The following DOCK1 variants were observed in gnomAD, a reference collection of about 807,000 sequenced individuals.
DOCK1 encodes the protein dedicator of cytokinesis 1, also known as dedicator of cytokinesis protein 1.
DOCK1 carries 138 observed loss-of-function variants against 262.7 expected under a neutral mutation model. That is an observed-to-expected ratio of 0.53 (90% CI 0.46 to 0.61). The LOEUF is 0.61. Ranked by LOEUF, DOCK1 falls within the 20% of genes least tolerant of loss-of-function variation. The probability of loss-of-function intolerance (pLI) is 0.00; values close to 1 mark genes in which losing one functional copy is unlikely to be tolerated. For missense variants in DOCK1, 1,908 were observed against 2,370.7 expected (o/e 0.80, Z 4.05); for synonymous variants, 866 against 867.4 (o/e 1.00, Z 0.03).
chr10:127,108,189 A>C (rs562919919), intron 24 of DOCK1, among the ~76,000 whole-genome samples: 97 of 152,372 alleles, frequency 6.4e-4, no homozygotes, highest in Non-Finnish European at 1.2e-3. Context: ...TTTAATAAAC[A>C]GAAGAGATGA....
chr10:127,002,854 G>T (rs1417321069), intron 10 of DOCK1, among the ~76,000 whole-genome samples: 1 of 152,146 alleles, frequency 6.6e-6, no homozygotes, highest in Non-Finnish European at 1.5e-5. Context: ...TTCCTGTCTT[G>T]TGTCTCTGGT....
intron 39 of DOCK1, among the ~76,000 whole-genome samples, chr10:127,403,620 G>C (rs555044409): frequency 6.6e-6 from 1 of 152,296 alleles, no homozygotes; most frequent in Non-Finnish European, 1.5e-5. Context: ...GTAGCCGGGC[G>C]TGGTAGCACA....
chr10:127,133,547 C>T (rs1592148185), intron 27 of DOCK1, among the ~76,000 whole-genome samples: 1 of 152,288 alleles, frequency 6.6e-6, no homozygotes, highest in African/African-American at 2.4e-5. Flanking sequence ...GGGGCAGCTA[C>T]AGCAATTTTA....
At chr10:127,264,088 AT>A in intron 29 of DOCK1, among the ~76,000 whole-genome samples, 1 of 152,214 alleles carries the variant, frequency 6.6e-6, no homozygotes, top group Non-Finnish European at 1.5e-5. Context: ...AATTTTCCCT[AT>A]TTTGGAATTA....
intron 33 of DOCK1, among the ~76,000 whole-genome samples, chr10:127,364,522 C>T (rs993166190): frequency 2.0e-5 from 3 of 152,120 alleles, no homozygotes; most frequent in Non-Finnish European, 4.4e-5. Context: ...CGTGCCACCA[C>T]GCCTGGCTAA....
intron 27 of DOCK1, among the ~76,000 whole-genome samples, chr10:127,168,494 C>T (rs879447839): frequency 5.3e-5 from 8 of 152,216 alleles, no homozygotes; most frequent in South Asian, 2.1e-4. Context: ...CCAGGGAACA[C>T]GGCACTCAGT....
At position 127,175,241 on chromosome 10, in the gene DOCK1, C is replaced by T. The variant is rs773659924; in HGVS notation, c.2847+47477C>T. 1.9e-6 allele frequency: 3 copies of T among 1,613,746 alleles called. No homozygotes were observed. Among genetic ancestry groups the T allele is most frequent in the East Asian group, 4.5e-5 (2 of 44,874 alleles). On this transcript the variant is annotated intron_variant, in intron 27 of 51. Transcript: ENST00000623213. This position sits in a 1 kb window ranked among gnomAD's most constrained non-coding sequence, Gnocchi z 6.3. The stretch of plus-strand genomic sequence containing the variant: ...CCCGATGGGCCTCTCCTTTTTCCAA[C>T]TCCTGAATGACCCCCAAGAGCACTT...
chr10:127,256,941 G>A (rs992899341), intron 28 of DOCK1, among the ~76,000 whole-genome samples: 13 of 152,192 alleles, frequency 8.5e-5, no homozygotes, highest in Non-Finnish European at 4.4e-5. Flanking sequence ...TCAATCTGAT[G>A]TGTCCTGTTC....
chr10:127,025,019 T>G, intron 15 of DOCK1: 1 of 396,432 alleles, frequency 2.5e-6, no homozygotes, highest in Non-Finnish European at 4.6e-6. Flanking sequence ...AATGACAGAG[T>G]CTTTTTAAGA....
chr10:127,193,971 A>AT (rs1445923744), intron 27 of DOCK1, among the ~76,000 whole-genome samples: 3 of 152,226 alleles, frequency 2.0e-5, no homozygotes, highest in Admixed American at 1.3e-4. Context: ...TCTTAATAGG[A>AT]TAAAGGGCCT....
At chr10:127,156,266 G>C (rs1266606487) in intron 27 of DOCK1, among the ~76,000 whole-genome samples, 3 of 152,164 alleles carry the variant, frequency 2.0e-5, no homozygotes, top group Non-Finnish European at 4.4e-5. Flanking sequence ...TTACAGAGGA[G>C]CATACAGTCA....
chr10:127,416,101 A>C (rs1368354358), intron 44 of DOCK1, among the ~76,000 whole-genome samples: 1 of 152,166 alleles, frequency 6.6e-6, no homozygotes, highest in African/African-American at 2.4e-5. Flanking sequence ...TGCCCACACC[A>C]GCATGAGCTA....
intron 38 of DOCK1, among the ~76,000 whole-genome samples, chr10:127,395,729 C>A (rs2066785636): frequency 6.6e-6 from 1 of 152,156 alleles, no homozygotes; most frequent in Non-Finnish European, 1.5e-5. Context: ...AGGCCTGAGC[C>A]CCATAAAGCC....
intron 1 of DOCK1, among the ~76,000 whole-genome samples, chr10:126,956,666 G>A (rs1318305800): frequency 2.6e-5 from 4 of 152,186 alleles, no homozygotes; most frequent in African/African-American, 4.8e-5. Context: ...ACCTTCATAT[G>A]CAGGAGCTAA....
chr10:127,302,739 GGGGTGTGTGTGTGTGTGTGTGT>G (rs1339693912), intron 29 of DOCK1, among the ~76,000 whole-genome samples: 6 of 124,538 alleles, frequency 4.8e-5, no homozygotes, highest in Non-Finnish European at 7.1e-5. Context: ...TGGAAAAGAG[GGGGTGTGTGTGTGTGTGTGTGT>G]GTGTGTGTGT....
chr10:127,424,131 CTTCT>C (rs1399253913), intron 46 of DOCK1, among the ~76,000 whole-genome samples: 2 of 152,010 alleles, frequency 1.3e-5, no homozygotes, highest in Non-Finnish European at 2.9e-5. Context: ...ATCCTCTTAT[CTTCT>C]TTCATTTAGA....
chr10:127,176,335 C>T lies in DOCK1; in HGVS notation c.2847+48571C>T, dbSNP rs762172825. On this transcript the variant is annotated intron_variant, in intron 27 of 51. Coordinates refer to ENST00000623213, the MANE Select transcript of DOCK1 (RefSeq NM_001290223.2). This position sits in a 1 kb window ranked among gnomAD's most constrained non-coding sequence, Gnocchi z 4.4. ...TTCATCTCCAGGGCCAGGCAGGCGG[C>T]GGGTTCCACTTCACTCTCCGACGTT... 47 of 1,613,724 alleles carry T rather than the reference C, an allele frequency of 2.9e-5. No individual in the cohort carries two copies. The Admixed American group carries it at 4.5e-4, about 15-fold the overall frequency.
chr10:127,297,324 G>A (rs549486827), intron 29 of DOCK1, among the ~76,000 whole-genome samples: 2 of 152,130 alleles, frequency 1.3e-5, no homozygotes, highest in Non-Finnish European at 2.9e-5. Flanking sequence ...AGAAGCAAGC[G>A]GTATCTGCAG....
chr10:126,978,952 G>T (rs1427723828), intron 3 of DOCK1, among the ~76,000 whole-genome samples: 1 of 152,116 alleles, frequency 6.6e-6, no homozygotes, highest in Admixed American at 6.5e-5. Flanking sequence ...CCAGCACTTG[G>T]GAAGGATCCA....
Sources: allele counts gnomAD v4.1 joint callset (sites outside exome capture counted in the v4.1 genomes callset), GRCh38; gene constraint gnomAD v4.1.1; non-coding constraint Gnocchi (gnomAD v3.1); transcripts MANE v1.5; gene names NCBI Gene and HGNC (gene_info 2026-07-23, HGNC 2026-07-21).